Variants in LAMA1 observed in about 807,000 individuals in gnomAD.
LAMA1 encodes the protein laminin subunit alpha 1, also known as laminin subunit alpha-1.
Under a neutral mutation model 348.7 loss-of-function variants are expected in LAMA1, and 219 were observed. The observed-to-expected ratio is 0.63, with a 90% CI of 0.56 to 0.70. LAMA1 has a LOEUF of 0.70. Ranked by LOEUF, LAMA1 falls within the 30% of genes least tolerant of loss-of-function variation. The pLI is 0.00. For missense variants in LAMA1, 3,744 were observed against 3,888.0 expected (o/e 0.96, Z 0.99); for synonymous variants, 1,487 against 1,491.0 (o/e 1.00, Z 0.06).
chr18:7,076,521 G>A (rs893413453), intron 3 of LAMA1, among the ~76,000 whole-genome samples: 1 of 152,198 alleles, frequency 6.6e-6, no homozygotes, highest in African/African-American at 2.4e-5. Flanking sequence ...AATCCAGAAT[G>A]TGGCATATTC....
intron 1 of LAMA1, among the ~76,000 whole-genome samples, chr18:7,094,426 C>CA (rs1194222301): frequency 0.024 from 1,520 of 62,806 alleles, 26 homozygotes; most frequent in Non-Finnish European, 0.035. Flanking sequence ...GACTCCGTCT[C>CA]AAAAAAAAAA....
intron 10 of LAMA1, among the ~76,000 whole-genome samples, chr18:7,039,369 A>G (rs2058010556): frequency 6.6e-6 from 1 of 152,214 alleles, no homozygotes; most frequent in Non-Finnish European, 1.5e-5. Flanking sequence ...GGAATGTCCT[A>G]TGAATTATGA....
intron 3 of LAMA1, among the ~76,000 whole-genome samples, chr18:7,079,008 AAAAT>A (rs1278556684): frequency 6.6e-6 from 1 of 152,040 alleles, no homozygotes; most frequent in Non-Finnish European, 1.5e-5. Flanking sequence ...ATAAAAATAA[AAAAT>A]AAAAAAAAAT....
chr18:7,102,761 T>C (rs925844398), intron 1 of LAMA1, among the ~76,000 whole-genome samples: 21 of 152,182 alleles, frequency 1.4e-4, no homozygotes, highest in Non-Finnish European at 2.9e-4. Context: ...TGGCACTTTC[T>C]AGATACTCAA....
At chr18:7,069,554 A>G (rs1380213725) in intron 3 of LAMA1, among the ~76,000 whole-genome samples, 1 of 152,138 alleles carries the variant, frequency 6.6e-6, no homozygotes, top group Non-Finnish European at 1.5e-5. Context: ...TGGGTGGCTC[A>G]TACAGCACAG....
At chr18:6,975,844 G>T in intron 45 of LAMA1, 93 bp downstream of exon 45, 1 of 1,444,592 alleles carries the variant, frequency 6.9e-7, no homozygotes, top group Non-Finnish European at 9.7e-7. Context: ...TTTCACTAAG[G>T]CCTATTTTTT....
rs1266540091 is a variant in LAMA1, at chr18:7,021,062, C to G, written c.2701+2102G>C. ...CTCTGTCTTTTCCATTCTGGTCACT[C>G]TCTCTCCAGTGTCTACCTCGGGCAG... On this transcript the variant is annotated intron_variant, in intron 19 of 62. Coordinates refer to ENST00000389658, the MANE Select transcript of LAMA1 (RefSeq NM_005559.4). 5.3e-5 allele frequency among the ~76,000 whole-genome samples: 8 copies of G among 152,188 alleles called. No homozygotes were observed. The East Asian group carries it at 1.4e-3, about 26-fold the overall frequency.
chr18:7,012,098 C>A lies in LAMA1; in HGVS notation c.3404G>T (p.Gly1135Val). 1.2e-6 allele frequency: 2 copies of A among 1,613,742 alleles called. No homozygotes were observed. The highest frequency in any genetic ancestry group is 8.5e-7 in the Non-Finnish European group (1 of 1,179,864). ...FGPQCNECRE[G>V]TFALRADNPL... is the part of the protein sequence containing the mutation. ...GTTGTCTGCGCGGAGAGCGAAGGTGCCCTCTCGACATTCGTTGCACTGAGG... is the reference window on the plus strand; with the variant it reads ...GTTGTCTGCGCGGAGAGCGAAGGTGACCTCTCGACATTCGTTGCACTGAGG... Residue 1135 changes from glycine to valine, a missense_variant, in exon 24 of 63, where the codon GGC becomes GTC. Coordinates refer to ENST00000389658, the MANE Select transcript of LAMA1 (RefSeq NM_005559.4).
intron 55 of LAMA1, 171 bp from the exon 56 acceptor site, chr18:6,956,936 TC>T: frequency 1.5e-6 from 1 of 689,112 alleles, no homozygotes; most frequent in East Asian, 2.8e-5. Context: ...AAACATGCTA[TC>T]TTAATATTTC....
intron 16 of LAMA1, among the ~76,000 whole-genome samples, chr18:7,029,598 C>A (rs558221440): frequency 6.6e-6 from 1 of 152,162 alleles, no homozygotes; most frequent in African/African-American, 2.4e-5. Flanking sequence ...CGTGTGCCAC[C>A]AGCCCTTTAC....
intron 53 of LAMA1, 85 bp from the exon 54 acceptor site, chr18:6,959,577 G>C (rs1035124871): frequency 5.6e-6 from 8 of 1,420,920 alleles, no homozygotes; most frequent in Non-Finnish European, 7.8e-6. Context: ...GATAACGTGA[G>C]AAGATTAACA....
chr18:6,941,770 T>G lies in LAMA1; in HGVS notation c.*309A>C. 1 of 370,360 alleles carries G rather than the reference T, an allele frequency of 2.7e-6. No homozygotes were observed. Among genetic ancestry groups the G allele is most frequent in the South Asian group, 2.4e-5 (1 of 42,028 alleles). 22.9% of individuals were successfully genotyped at this position (370,360 alleles called of 1,614,324 possible). On this transcript the variant is annotated 3_prime_UTR_variant, in exon 63 of 63. Transcript: ENST00000389658. Reference sequence around the variant, plus strand: ...GATCTGTTATCATCTGTATTGATACTTTTTTAAAAAGCTCAAAATGAAAAA... The same window carrying G: ...GATCTGTTATCATCTGTATTGATACGTTTTTAAAAAGCTCAAAATGAAAAA...
Position 6,964,675 on chromosome 18 carries a change from A to G in LAMA1, c.7324T>C (p.Ser2442Pro), listed in dbSNP as rs2057624275. The G allele has an allele frequency of 6.2e-7, 1 of 1,614,174 alleles. No individual in the cohort carries two copies. Among genetic ancestry groups the G allele is most frequent in the Non-Finnish European group, 8.5e-7 (1 of 1,180,022 alleles). ...AGTTTAATATACCTTACAACTCTTGACCTTGGTAATCCACCCACATAAATC... is the reference window on the plus strand; with the variant it reads ...AGTTTAATATACCTTACAACTCTTGGCCTTGGTAATCCACCCACATAAATC... Reference protein sequence around the residue: ...DPIYVGGLPRSRVVRRGVTTK... With the variant: ...DPIYVGGLPRPRVVRRGVTTK... The change falls in exon 51 of 63, where the codon TCA becomes CCA. Residue 2442 changes from serine to proline, a missense_variant. Physicochemically the swap from Ser to Pro is moderately conservative, Grantham distance 74. Transcript: ENST00000389658.
chr18:6,958,897 T>C (rs185874157), intron 54 of LAMA1, among the ~76,000 whole-genome samples: 1 of 152,234 alleles, frequency 6.6e-6, no homozygotes, highest in African/African-American at 2.4e-5. Flanking sequence ...TGAGATTGCT[T>C]TTTGGAGAGA....
intron 1 of LAMA1, among the ~76,000 whole-genome samples, chr18:7,109,589 G>C (rs1321320714): frequency 6.6e-6 from 1 of 152,142 alleles, no homozygotes; most frequent in East Asian, 1.9e-4. Context: ...GTTTTCAGTG[G>C]GAAACGGGAG....
intron 1 of LAMA1, among the ~76,000 whole-genome samples, chr18:7,092,360 T>G (rs2058242679): frequency 6.6e-6 from 1 of 152,134 alleles, no homozygotes; most frequent in Non-Finnish European, 1.5e-5. Context: ...GCCGGCTGGG[T>G]GCGGTGGCTC....
In LAMA1 at chr18:7,033,413, G is replaced by A. The variant is rs187248665; in HGVS notation, c.2052-318C>T. 3.9e-3 allele frequency among the ~76,000 whole-genome samples: 557 copies of A among 144,296 alleles called. 7 individuals carry two copies. Among genetic ancestry groups the A allele is most frequent in the African/African-American group, 0.014 (532 of 37,754 alleles). The allele number at this position is 144,296 out of a possible 152,430, so 94.7% of individuals were successfully genotyped here. On this transcript the variant is annotated intron_variant, in intron 14 of 62. Coordinates refer to ENST00000389658, the MANE Select transcript of LAMA1 (RefSeq NM_005559.4). ...AGAGCTTGCAGTGAGCTGAGATCAC[G>A]CCACTGCACTCCAGCCTGGGTGATA... is the stretch of plus-strand genomic sequence containing the variant.
chr18:6,977,377 C>T (rs2057687375), intron 44 of LAMA1, among the ~76,000 whole-genome samples: 1 of 152,324 alleles, frequency 6.6e-6, no homozygotes, highest in African/African-American at 2.4e-5. Flanking sequence ...CCACATGCAA[C>T]CCATAAACTT....
At chr18:7,014,350 G>A (rs1329747923) in intron 22 of LAMA1, among the ~76,000 whole-genome samples, 1 of 152,200 alleles carries the variant, frequency 6.6e-6, no homozygotes, top group African/African-American at 2.4e-5. Flanking sequence ...GCCAGGCACA[G>A]TGGTTCACGC....
Sources: gnomAD v4.1 joint callset for allele counts (sites outside exome capture counted in the v4.1 genomes callset) on GRCh38, gnomAD v4.1.1 for gene constraint, MANE v1.5 for transcripts, NCBI Gene and HGNC (gene_info 2026-07-23, HGNC 2026-07-21) for gene names.